The following KMT2E variants were observed in gnomAD, a reference collection of about 807,000 sequenced individuals.
The protein encoded by KMT2E is histone reader KMT2E.
Under a neutral mutation model 184.6 loss-of-function variants are expected in KMT2E, and 30 were observed. The observed-to-expected ratio is 0.16, with a 90% CI of 0.12 to 0.22. KMT2E has a LOEUF of 0.22. KMT2E is among the 10% of genes least tolerant of loss of function. KMT2E has a pLI of 1.00. For synonymous variants in KMT2E, 815 were observed against 776.5 expected, an observed-to-expected ratio of 1.05 and a Z score of -0.82; for missense variants, 2,023 against 2,237.4, an observed-to-expected ratio of 0.90 and a Z score of 1.93.
chr7:105,113,982 GT>G lies in KMT2E; in HGVS notation c.*650del, dbSNP rs1223975084. On this transcript the variant is annotated 3_prime_UTR_variant, in exon 27 of 27. Coordinates refer to ENST00000311117, the MANE Select transcript of KMT2E (RefSeq NM_182931.3). ...GTGTGATCTTTGTGAAAGTAGTACA[GT>G]ATATGACCTTTAATTTCTTTTTTAT... The G allele has an allele frequency of 6.5e-6, 1 of 152,860 alleles. No individual in the cohort carries two copies. Among genetic ancestry groups the G allele is most frequent in the Non-Finnish European group, 1.5e-5 (1 of 68,174 alleles). The allele number at this position is 152,860 out of a possible 1,614,324, so 9.5% of individuals were successfully genotyped here. A position where few individuals can be genotyped will look rare whatever the true frequency, so the allele number is the denominator to read the frequency against.
intron 15 of KMT2E, among the ~76,000 whole-genome samples, chr7:105,099,414 C>T (rs747415054): frequency 2.0e-5 from 3 of 152,092 alleles, no homozygotes; most frequent in Admixed American, 6.6e-5. Flanking sequence ...TTTTTAAGAT[C>T]CTGATCAACT....
chr7:105,055,883 G>T (rs1312981997), intron 3 of KMT2E, among the ~76,000 whole-genome samples: 2 of 151,134 alleles, frequency 1.3e-5, no homozygotes, highest in East Asian at 3.9e-4. Context: ...TTGTTTGTTT[G>T]CCTGTTAGTT....
Position 105,022,693 on chromosome 7 carries a change from G to A in KMT2E, c.-189+8158G>A, listed in dbSNP as rs191619367. On this transcript the variant is annotated intron_variant, in intron 1 of 26. Coordinates refer to ENST00000311117, the MANE Select transcript of KMT2E (RefSeq NM_182931.3). ...TTCTTGCCTAAATAAAGTTTTTACT[G>A]TGTTGGTTGTAAATACACGAAGGTT... 4.7e-4 allele frequency among the ~76,000 whole-genome samples: 71 copies of A among 152,192 alleles called. 2 individuals are homozygous for A. In the East Asian group the frequency reaches 0.013, roughly 27 times the overall value.
chr7:105,097,542 C>T (rs1359298111), intron 15 of KMT2E, among the ~76,000 whole-genome samples: 3 of 152,164 alleles, frequency 2.0e-5, no homozygotes, highest in Admixed American at 6.5e-5. Flanking sequence ...CCCACCACCA[C>T]GCCTGGCTAA....
intron 17 of KMT2E, chr7:105,103,219 T>C (rs1798733990): frequency 6.6e-6 from 1 of 152,230 alleles, no homozygotes; most frequent in South Asian, 2.1e-4. Context: ...TATTAAACTT[T>C]TAACAAAGTT....
chr7:105,090,212 A>G lies in KMT2E; in HGVS notation c.1562A>G (p.Lys521Arg), dbSNP rs767736919. The change falls in exon 14 of 27, where the codon AAG (lysine) becomes AGG (arginine). Residue 521 changes from lysine (K) to arginine (R), a missense_variant. By Grantham distance (26) the Lys-to-Arg change is conservative. Transcript: ENST00000311117. ...LDCEGTTNKM[K>R]SPETKQRKLS... ...TGTGAAGGAACGACCAACAAAATGA[A>G]GAGCCCAGAAACTAAACAAAGAAAG... 7 of 1,609,990 alleles carry G rather than the reference A, an allele frequency of 4.3e-6. No homozygotes were observed. In the Middle Eastern group the frequency reaches 9.9e-4, roughly 228 times the overall value.
chr7:105,048,262 C>T (rs939918104), intron 3 of KMT2E, among the ~76,000 whole-genome samples: 1 of 152,138 alleles, frequency 6.6e-6, no homozygotes, highest in African/African-American at 2.4e-5. Flanking sequence ...GTCTTGAACT[C>T]TTGGGCTCAA....
intron 5 of KMT2E, among the ~76,000 whole-genome samples, chr7:105,065,671 T>G (rs1796998100): frequency 1.3e-5 from 2 of 152,194 alleles, no homozygotes; most frequent in Admixed American, 1.3e-4. Context: ...AAATGTGGTC[T>G]TTGTCTCCTC....
chr7:105,065,701 C>G (rs1796999643), intron 5 of KMT2E, among the ~76,000 whole-genome samples: 1 of 152,148 alleles, frequency 6.6e-6, no homozygotes. Context: ...TTCTGCCCCC[C>G]TCTCTCCCTC....
intron 3 of KMT2E, among the ~76,000 whole-genome samples, chr7:105,055,846 A>G (rs1316993217): frequency 1.3e-5 from 2 of 151,908 alleles, no homozygotes; most frequent in Non-Finnish European, 2.9e-5. Context: ...CATACCTCTG[A>G]TGGCACTACT....
At position 105,078,830 on chromosome 7, in the gene KMT2E, G is replaced by A; in HGVS notation, c.1131-16G>A. 1 of 1,411,426 alleles carries A rather than the reference G, an allele frequency of 7.1e-7. No individual in the cohort carries two copies. The allele number at this position is 1,411,426 out of a possible 1,614,324, so 87.4% of individuals were successfully genotyped here. On this transcript the variant is annotated splice_polypyrimidine_tract_variant and intron_variant, in intron 11 of 26. Coordinates refer to ENST00000311117, the MANE Select transcript of KMT2E (RefSeq NM_182931.3). The stretch of plus-strand genomic sequence containing the variant: ...GCCTAAAATGTTAATAGCTTATAAT[G>A]TTTCTTTCTTTGTAGACCATACCCT...
At chr7:105,084,353 G>A (rs752213488) in intron 13 of KMT2E, among the ~76,000 whole-genome samples, 2 of 152,140 alleles carry the variant, frequency 1.3e-5, no homozygotes, top group Non-Finnish European at 2.9e-5. Context: ...TTGACCAGGT[G>A]CGGTGGCTCA....
chr7:105,027,464 T>G (rs1415469870), intron 1 of KMT2E, among the ~76,000 whole-genome samples: 1 of 152,176 alleles, frequency 6.6e-6, no homozygotes, highest in Non-Finnish European at 1.5e-5. Context: ...TTGCCTGTAT[T>G]CTAAATTTTT....
intron 15 of KMT2E, chr7:105,091,679 T>G (rs1798209058): frequency 2.9e-6 from 1 of 350,650 alleles, no homozygotes; most frequent in Admixed American, 4.3e-5. Flanking sequence ...AAAGTACAAA[T>G]TTAAACCTTA....
chr7:105,037,385 C>A (rs764618983), intron 1 of KMT2E, among the ~76,000 whole-genome samples: 5 of 151,708 alleles, frequency 3.3e-5, no homozygotes, highest in Non-Finnish European at 5.9e-5. Context: ...TTTTTTAAGA[C>A]AGGGTCTCCC....
intron 1 of KMT2E, among the ~76,000 whole-genome samples, chr7:105,018,938 A>G (rs1362488865): frequency 6.6e-6 from 1 of 152,148 alleles, no homozygotes; most frequent in Non-Finnish European, 1.5e-5. Context: ...AACAATGAGT[A>G]TTTTGCATTA....
At chr7:105,079,369 C>G (rs774303348) in intron 12 of KMT2E, among the ~76,000 whole-genome samples, 2 of 151,632 alleles carry the variant, frequency 1.3e-5, no homozygotes, top group Admixed American at 6.6e-5. Context: ...CTCCGGACCT[C>G]AGGTGATTTG....
chr7:105,080,657 T>C (rs1797727489), intron 12 of KMT2E, among the ~76,000 whole-genome samples: 1 of 152,218 alleles, frequency 6.6e-6, no homozygotes. Context: ...ACATATAAAG[T>C]ATATAGAATA....
At chr7:105,108,597 G>A in intron 22 of KMT2E, 1 of 462,628 alleles carries the variant, frequency 2.2e-6, no homozygotes, top group Non-Finnish European at 4.3e-6. Flanking sequence ...AAGAGCACGG[G>A]CTTTCAAGTA....
Sources: allele counts gnomAD v4.1 joint callset (sites outside exome capture counted in the v4.1 genomes callset), GRCh38; gene constraint gnomAD v4.1.1; transcripts MANE v1.5; gene names NCBI Gene and HGNC (gene_info 2026-07-23, HGNC 2026-07-21).